LYPD6: variants seen among roughly 807,000 people sequenced by gnomAD.
LYPD6 encodes the protein ly6/PLAUR domain-containing protein 6.
In LYPD6, 15 loss-of-function variants were observed where a neutral mutation model predicts 22.7. The observed-to-expected ratio is 0.66, with a 90% CI of 0.44 to 1.02. The LOEUF (loss-of-function observed/expected upper bound fraction) is 1.02. Among genes scored for constraint, LYPD6 ranks in the 50% least tolerant of loss-of-function variants. The pLI is 0.00. For missense variants in LYPD6, 189 were observed against 208.4 expected (o/e 0.91, Z 0.57); for synonymous variants, 72 against 77.5 (o/e 0.93, Z 0.37).
chr2:149,433,613 A>T (rs1046955046), intron 1 of LYPD6, among the ~76,000 whole-genome samples: 3 of 152,074 alleles, frequency 2.0e-5, no homozygotes, highest in African/African-American at 7.2e-5. Context: ...GTTTTTGGCC[A>T]TTTGGGTTTT....
intron 1 of LYPD6, among the ~76,000 whole-genome samples, chr2:149,380,246 A>T (rs1165130665): frequency 6.6e-6 from 1 of 152,236 alleles, no homozygotes; most frequent in African/African-American, 2.4e-5. Context: ...GGACTTTGTT[A>T]TACCTCTGGA....
rs1681334505 is a variant in LYPD6, at chr2:149,471,542, A to G, written c.*692A>G. 1 of 152,202 alleles carries G rather than the reference A, an allele frequency of 6.6e-6. No individual in the cohort carries two copies. The highest frequency in any genetic ancestry group is 1.5e-5 in the Non-Finnish European group (1 of 68,044). 9.4% of individuals were successfully genotyped at this position (152,202 alleles called of 1,614,324 possible). Reference sequence around the variant, plus strand: ...CCTCAACTTAATGGAGCCACTGTCCATAAAGTGGCTGTTATCCCTTCATAT... The same window carrying G: ...CCTCAACTTAATGGAGCCACTGTCCGTAAAGTGGCTGTTATCCCTTCATAT... On this transcript the variant is annotated 3_prime_UTR_variant, in exon 5 of 5. Coordinates refer to ENST00000334166, the MANE Select transcript of LYPD6 (RefSeq NM_194317.5).
chr2:149,404,964 A>C (rs1266186135), intron 1 of LYPD6, among the ~76,000 whole-genome samples: 1 of 152,160 alleles, frequency 6.6e-6, no homozygotes, highest in Non-Finnish European at 1.5e-5. Context: ...ATTTTGTCAA[A>C]GGCCTTTTCT....
intron 3 of LYPD6, among the ~76,000 whole-genome samples, chr2:149,461,482 C>G (rs1681086682): frequency 6.6e-6 from 1 of 151,888 alleles, no homozygotes; most frequent in Admixed American, 6.6e-5. Context: ...AACACCAATT[C>G]TAGATAAAAT....
intron 1 of LYPD6, among the ~76,000 whole-genome samples, chr2:149,386,615 C>T (rs558963848): frequency 2.0e-5 from 3 of 152,180 alleles, no homozygotes; most frequent in South Asian, 2.1e-4. Context: ...GTGCTGGTGG[C>T]GAAGAACCAT....
Position 149,415,812 on chromosome 2 carries a change from G to A in LYPD6, c.-71-21826G>A, listed in dbSNP as rs147498645. 1.3e-3 allele frequency among the ~76,000 whole-genome samples: 191 copies of A among 151,560 alleles called. 1 individual carries two copies. The highest frequency in any genetic ancestry group is 3.8e-3 in the African/African-American group (157 of 41,126). On this transcript the variant is annotated intron_variant, in intron 1 of 4. Coordinates refer to ENST00000334166, the MANE Select transcript of LYPD6 (RefSeq NM_194317.5). ...CTCCTGAGAAGCTGGGACTACAGGCGCACACCACTGTGCCAGGCTAATTTT... is the reference window on the plus strand; with the variant it reads ...CTCCTGAGAAGCTGGGACTACAGGCACACACCACTGTGCCAGGCTAATTTT...
At chr2:149,422,005 C>G (rs1683091866) in intron 1 of LYPD6, among the ~76,000 whole-genome samples, 1 of 152,110 alleles carries the variant, frequency 6.6e-6, no homozygotes, top group Admixed American at 6.5e-5. Flanking sequence ...CTTTTGACTT[C>G]TTATAATAGA....
At chr2:149,355,394 A>C (rs1681431874) in intron 1 of LYPD6, among the ~76,000 whole-genome samples, 1 of 152,242 alleles carries the variant, frequency 6.6e-6, no homozygotes, top group Non-Finnish European at 1.5e-5. Context: ...CATAAACATT[A>C]GCATTTTAAA....
chr2:149,348,010 G>A (rs1453212133), intron 1 of LYPD6, among the ~76,000 whole-genome samples: 1 of 129,836 alleles, frequency 7.7e-6, no homozygotes, highest in African/African-American at 2.8e-5. Context: ...GAGGTCAGGA[G>A]TTCAAGACCA....
At chr2:149,389,169 G>T (rs1004562393) in intron 1 of LYPD6, among the ~76,000 whole-genome samples, 6 of 152,088 alleles carry the variant, frequency 3.9e-5, no homozygotes, top group Non-Finnish European at 5.9e-5. Context: ...GACATTTGAT[G>T]AATCACTTTT....
At chr2:149,450,600 C>T (rs184518247) in intron 3 of LYPD6, among the ~76,000 whole-genome samples, 15 of 152,244 alleles carry the variant, frequency 9.9e-5, no homozygotes, top group Admixed American at 5.9e-4. Flanking sequence ...GATATCCAGC[C>T]GTCTGAGTAA....
chr2:149,393,068 T>A (rs1682348353), intron 1 of LYPD6, among the ~76,000 whole-genome samples: 1 of 152,184 alleles, frequency 6.6e-6, no homozygotes. Flanking sequence ...AGGTGCATGG[T>A]GAAGTGTATG....
At chr2:149,402,150 G>T (rs1488219461) in intron 1 of LYPD6, among the ~76,000 whole-genome samples, 1 of 151,500 alleles carries the variant, frequency 6.6e-6, no homozygotes, top group Non-Finnish European at 1.5e-5. Flanking sequence ...AAGAATAATA[G>T]TCTCCAATTC....
intron 1 of LYPD6, among the ~76,000 whole-genome samples, chr2:149,400,789 G>C (rs1253924209): frequency 2.0e-5 from 3 of 152,158 alleles, no homozygotes; most frequent in African/African-American, 4.8e-5. Context: ...AAATAGTAAT[G>C]CTTAAATGCA....
chr2:149,437,260 A>G (rs1683453441), intron 1 of LYPD6, among the ~76,000 whole-genome samples: 1 of 152,142 alleles, frequency 6.6e-6, no homozygotes, highest in Non-Finnish European at 1.5e-5. Flanking sequence ...TGAACTCCCT[A>G]TCTGACCTGC....
chr2:149,343,331 T>G (rs888108435), intron 1 of LYPD6, among the ~76,000 whole-genome samples: 1 of 151,614 alleles, frequency 6.6e-6, no homozygotes, highest in Non-Finnish European at 1.5e-5. Context: ...TTATAATAGA[T>G]TAAAAAAAAA....
chr2:149,419,954 G>A (rs1683044763), intron 1 of LYPD6, among the ~76,000 whole-genome samples: 1 of 152,166 alleles, frequency 6.6e-6, no homozygotes, highest in Non-Finnish European at 1.5e-5. Context: ...CTACGTTACA[G>A]AGTGAAATCA....
In LYPD6 at chr2:149,449,155, C is replaced by T; in HGVS notation, c.217+8C>T. On this transcript the variant is annotated splice_region_variant and intron_variant, in intron 3 of 4. Transcript: ENST00000334166. ...ACATCTACTGCCCTCGAGGTAAACT[C>T]TCAGTAGACTGATTGGGGTCCCCTG... 2 of 1,601,190 alleles carry T rather than the reference C, an allele frequency of 1.2e-6. No homozygotes were observed. Among genetic ancestry groups the T allele is most frequent in the Non-Finnish European group, 1.7e-6 (2 of 1,170,258 alleles).
At chr2:149,374,832 AT>A (rs1344792283) in intron 1 of LYPD6, among the ~76,000 whole-genome samples, 2 of 152,246 alleles carry the variant, frequency 1.3e-5, no homozygotes, top group Non-Finnish European at 2.9e-5. Context: ...GCAATATGAT[AT>A]TATAATACAA....
Sources: allele counts gnomAD v4.1 joint callset (sites outside exome capture counted in the v4.1 genomes callset), GRCh38; gene constraint gnomAD v4.1.1; transcripts MANE v1.5; gene names NCBI Gene and HGNC (gene_info 2026-07-23, HGNC 2026-07-21).